Variants in SLC35E1 observed in about 807,000 individuals in gnomAD.
The protein encoded by SLC35E1 is solute carrier family 35 member E1, also known as solute carrier family 35, member E1.
In SLC35E1, 12 loss-of-function variants were observed where a neutral mutation model predicts 31.0. The observed-to-expected ratio is 0.39, with a 90% CI of 0.25 to 0.63. The LOEUF is 0.63. SLC35E1 is among the 20% of genes least tolerant of loss of function. SLC35E1 has a pLI of 0.52. For missense variants in SLC35E1, 429 were observed against 572.2 expected, an observed-to-expected ratio of 0.75 and a Z score of 2.55; for synonymous variants, 257 against 264.1, an observed-to-expected ratio of 0.97 and a Z score of 0.26.
Position 16,571,963 on chromosome 19 carries a change from G to A in SLC35E1, c.402C>T (p.Pro134=), listed in dbSNP as rs774946223. 24 of 1,547,504 alleles carry A rather than the reference G, an allele frequency of 1.6e-5. No individual in the cohort carries two copies. In the South Asian group the frequency reaches 2.4e-4, roughly 15 times the overall value. ...VSAHVSIWKV[P]VSYAHTVKAT... ...ACCTACCGGTGTGTGCATAGGACACGGGCACCTTCCAGATGCTGACGTGCG... is the reference window on the plus strand; with the variant it reads ...ACCTACCGGTGTGTGCATAGGACACAGGCACCTTCCAGATGCTGACGTGCG... Residue 134 remains proline (P), a synonymous_variant, in exon 1 of 6, where the codon CCC becomes CCT. Coordinates refer to ENST00000595753, the MANE Select transcript of SLC35E1 (RefSeq NM_024881.5).
At chr19:16,571,491 A>C (rs771092128) in intron 2 of SLC35E1, 21 bp downstream of exon 2, 2 of 1,613,390 alleles carry the variant, frequency 1.2e-6, no homozygotes, top group South Asian at 1.1e-5. Flanking sequence ...CCATCTGCCC[A>C]GAGTCCCTGC....
chr19:16,568,401 C>T (rs1167041580), intron 2 of SLC35E1, among the ~76,000 whole-genome samples: 1 of 152,212 alleles, frequency 6.6e-6, no homozygotes, highest in African/African-American at 2.4e-5. Context: ...CATACCGTCA[C>T]CCCCATTAAG....
chr19:16,554,030 C>T (rs1245915247), intron 5 of SLC35E1, 121 bp from the exon 6 acceptor site: 86 of 801,134 alleles, frequency 1.1e-4, no homozygotes, highest in Admixed American at 4.5e-4. Flanking sequence ...TTTGGGAGGT[C>T]GAGGCGGGAG....
intron 2 of SLC35E1, among the ~76,000 whole-genome samples, chr19:16,570,361 T>C (rs2085951417): frequency 6.6e-6 from 1 of 152,104 alleles, no homozygotes; most frequent in African/African-American, 2.4e-5. Context: ...AAATCAGCCA[T>C]AGGTGGCCCA....
chr19:16,555,057 C>T lies in SLC35E1; in HGVS notation c.1002+95G>A, dbSNP rs80113444. The T allele has an allele frequency of 0.013, 19,379 of 1,539,068 alleles. 896 individuals carry two copies. The Admixed American group carries it at 0.15, about 12-fold the overall frequency. On this transcript the variant is annotated intron_variant, in intron 5 of 5. Transcript: ENST00000595753. This position sits in a 1 kb window ranked among gnomAD's most constrained non-coding sequence, Gnocchi z 4.1. ...TCAGTGGCAAAGCTCTGACATACAA[C>T]CCCAGCCTTGAGCGCCCGGGAGGCC... is the stretch of plus-strand genomic sequence containing the variant.
rs767797571 is a variant in SLC35E1 at position 16,566,676 on chromosome 19, T to C, written c.631-19A>G. On this transcript the variant is annotated intron_variant, in intron 3 of 5. Coordinates refer to ENST00000595753, the MANE Select transcript of SLC35E1 (RefSeq NM_024881.5). ...GCAAGACCTGGAAAGGGAAAGCCTC[T>C]TTAGAGGGTGATTAAAACTATATGT... 8.1e-6 allele frequency: 13 copies of C among 1,606,620 alleles called. No individual in the cohort carries two copies. Among genetic ancestry groups the C allele is most frequent in the Non-Finnish European group, 1.1e-5 (13 of 1,177,462 alleles).
chr19:16,571,906 G>C (rs2085960944), intron 1 of SLC35E1, 38 bp downstream of exon 1: 4 of 1,523,260 alleles, frequency 2.6e-6, no homozygotes, highest in South Asian at 2.4e-5. Context: ...GAAGCGGCGG[G>C]CCCGGCCGCC....
intron 4 of SLC35E1, among the ~76,000 whole-genome samples, chr19:16,562,566 G>A (rs963023453): frequency 3.9e-5 from 6 of 152,016 alleles, no homozygotes; most frequent in Non-Finnish European, 8.8e-5. Flanking sequence ...CAATAAAACT[G>A]CTATACAAAT....
chr19:16,570,419 T>C (rs2085951635), intron 2 of SLC35E1, among the ~76,000 whole-genome samples: 1 of 152,110 alleles, frequency 6.6e-6, no homozygotes, highest in African/African-American at 2.4e-5. Context: ...TTACATAAAA[T>C]ACAACATGCC....
chr19:16,557,230 G>C (rs912521125), intron 4 of SLC35E1: 3 of 300,994 alleles, frequency 1.0e-5, no homozygotes, highest in African/African-American at 6.7e-5. Context: ...GTTTTGCTCT[G>C]TCGCCCAGGC....
Position 16,555,000 on chromosome 19 carries a change from T to C in SLC35E1, c.1002+152A>G. The C allele has an allele frequency of 2.6e-6, 3 of 1,159,052 alleles. No homozygotes were observed. In the South Asian group the frequency reaches 4.9e-5, roughly 19 times the overall value. 71.8% of individuals were successfully genotyped at this position (1,159,052 alleles called of 1,614,324 possible). A position where few individuals can be genotyped will look rare whatever the true frequency, so the allele number is the denominator to read the frequency against. On this transcript the variant is annotated intron_variant, in intron 5 of 5. Transcript: ENST00000595753. ...CTATGCAGGAAAAAGGAAGCCAGAG[T>C]GGGATGGGGCTACGCCAAGATCATA...
chr19:16,554,316 A>T (rs1461382614), intron 5 of SLC35E1, among the ~76,000 whole-genome samples: 1 of 151,724 alleles, frequency 6.6e-6, no homozygotes, highest in Non-Finnish European at 1.5e-5. Context: ...GGGCCGGCAT[A>T]AGTCATAGGG....
chr19:16,568,187 C>T lies in SLC35E1; in HGVS notation c.493-18G>A. 6.3e-7 allele frequency: 1 copy of T among 1,599,286 alleles called. No homozygotes were observed. The highest frequency in any genetic ancestry group is 8.5e-7 in the Non-Finnish European group (1 of 1,173,092). On this transcript the variant is annotated intron_variant, in intron 2 of 5. Coordinates refer to ENST00000595753, the MANE Select transcript of SLC35E1 (RefSeq NM_024881.5). ...AAGTATACCTGCAGGAAGAGGTCAT[C>T]AAGAAGGGCTCACAGGCCAGACTAG...
At chr19:16,566,385 C>T (rs2085932344) in intron 4 of SLC35E1, 147 bp downstream of exon 4, 3 of 1,002,062 alleles carry the variant, frequency 3.0e-6, no homozygotes, top group Admixed American at 2.8e-5. Context: ...CACCGTGAGG[C>T]ATTACAGAGG....
chr19:16,566,439 C>T, intron 4 of SLC35E1, 93 bp downstream of exon 4: 2 of 1,560,068 alleles, frequency 1.3e-6, no homozygotes, highest in Non-Finnish European at 1.7e-6. Flanking sequence ...CAAAAGATAC[C>T]ACAATGTTAA....
chr19:16,567,199 G>A lies in SLC35E1; in HGVS notation c.631-542C>T, dbSNP rs553584515. Among the ~76,000 whole-genome samples the A allele has an allele frequency of 5.3e-5, 8 of 150,616 alleles. 1 individual carries two copies. In the South Asian group the frequency reaches 1.5e-3, roughly 28 times the overall value. ...GGAGTTAAGAGCAATTTTTTTTTTTGAGACGGGGTCTCACTCTATTCCTAT... is the reference window on the plus strand; with the variant it reads ...GGAGTTAAGAGCAATTTTTTTTTTTAAGACGGGGTCTCACTCTATTCCTAT... On this transcript the variant is annotated intron_variant, in intron 3 of 5. Transcript: ENST00000595753.
chr19:16,570,540 C>T lies in SLC35E1; in HGVS notation c.492+972G>A, dbSNP rs185424979. ...ACTTAAGAATACGGGATAAAGCTGTCTCCGGCTAAAGCCATGGCTATTCTT... is the reference window on the plus strand; with the variant it reads ...ACTTAAGAATACGGGATAAAGCTGTTTCCGGCTAAAGCCATGGCTATTCTT... On this transcript the variant is annotated intron_variant, in intron 2 of 5. Coordinates refer to ENST00000595753, the MANE Select transcript of SLC35E1 (RefSeq NM_024881.5). 3.3e-5 allele frequency among the ~76,000 whole-genome samples: 5 copies of T among 152,292 alleles called. No homozygotes were observed. The East Asian group carries it at 9.6e-4, about 29-fold the overall frequency.
At chr19:16,567,967 G>T in intron 3 of SLC35E1, 65 bp downstream of exon 3, 1 of 1,468,538 alleles carries the variant, frequency 6.8e-7, no homozygotes. Context: ...TTTTCCCAAT[G>T]CCACCAGTTT....
At chr19:16,569,529 C>T (rs2085947585) in intron 2 of SLC35E1, among the ~76,000 whole-genome samples, 1 of 152,134 alleles carries the variant, frequency 6.6e-6, no homozygotes, top group Non-Finnish European at 1.5e-5. Context: ...CAGGATCCAC[C>T]AGGATCCATT....
Sources: gnomAD v4.1 joint callset for allele counts (sites outside exome capture counted in the v4.1 genomes callset) on GRCh38, gnomAD v4.1.1 for gene constraint, Gnocchi (gnomAD v3.1) non-coding constraint, MANE v1.5 for transcripts, NCBI Gene and HGNC (gene_info 2026-07-23, HGNC 2026-07-21) for gene names.